The following PPFIA2 variants were observed in gnomAD, a reference collection of about 807,000 sequenced individuals.
PPFIA2 encodes liprin-alpha-2.
PPFIA2 carries 46 observed loss-of-function variants against 175.5 expected under a neutral mutation model. The ratio of observed to expected loss-of-function variants is 0.26; its 90% CI spans 0.21 to 0.34. PPFIA2 has a LOEUF of 0.34. Among genes scored for constraint, PPFIA2 ranks in the 10% least tolerant of loss-of-function variants. The probability of loss-of-function intolerance (pLI) is 1.00; values close to 1 mark genes in which losing one functional copy is unlikely to be tolerated. For synonymous variants in PPFIA2, 568 were observed against 511.4 expected, an observed-to-expected ratio of 1.11 and a Z score of -1.49; for missense variants, 1,179 against 1,506.1, an observed-to-expected ratio of 0.78 and a Z score of 3.60.
chr12:81,659,951 C>T (rs568935832), intron 4 of PPFIA2, among the ~76,000 whole-genome samples: 1 of 152,276 alleles, frequency 6.6e-6, no homozygotes, highest in South Asian at 2.1e-4. Flanking sequence ...TTGGAGGGAA[C>T]TCTGGCAAAT....
intron 28 of PPFIA2, among the ~76,000 whole-genome samples, chr12:81,270,276 G>A (rs61934705): frequency 0.18 from 27,032 of 151,956 alleles, 2,591 homozygotes; most frequent in Non-Finnish European, 0.22. Flanking sequence ...CCAATGCTTT[G>A]TATTTCTCAT....
intron 11 of PPFIA2, 188 bp from the exon 12 acceptor site, chr12:81,369,382 C>T: frequency 1.4e-6 from 2 of 1,438,000 alleles, no homozygotes; most frequent in South Asian, 2.7e-5. Context: ...AGGCCTGTTA[C>T]ATCCAAGCAT....
chr12:81,392,218 G>C (rs550541937), intron 8 of PPFIA2, among the ~76,000 whole-genome samples: 5 of 151,966 alleles, frequency 3.3e-5, no homozygotes, highest in Non-Finnish European at 7.4e-5. Context: ...AAAAAGCATA[G>C]ACTCAAGGAT....
At chr12:81,450,423 C>A (rs1382725147) in intron 5 of PPFIA2, among the ~76,000 whole-genome samples, 1 of 152,166 alleles carries the variant, frequency 6.6e-6, no homozygotes, top group Non-Finnish European at 1.5e-5. Flanking sequence ...TGTCTGTTGG[C>A]TGCACAAATG....
At chr12:81,591,512 C>T (rs979047303) in intron 4 of PPFIA2, among the ~76,000 whole-genome samples, 8 of 152,152 alleles carry the variant, frequency 5.3e-5, no homozygotes, top group Admixed American at 2.0e-4. Context: ...CCCCTCTCAT[C>T]GCAGGCCCAG....
In PPFIA2 at chr12:81,467,003, G is replaced by A. The variant is rs78624450; in HGVS notation, c.304-9137C>T. On this transcript the variant is annotated intron_variant, in intron 4 of 32. Transcript: ENST00000549396. ...TTTAATGGTAACTGAAACGTAACTC[G>A]AGATTCACCTACCCAAGGCTCATTT... 7.6e-3 allele frequency among the ~76,000 whole-genome samples: 1,134 copies of A among 149,818 alleles called. 14 individuals carry two copies. Among genetic ancestry groups the A allele is most frequent in the African/African-American group, 0.025 (1,037 of 40,872 alleles).
chr12:81,366,031 TTCCC>T (rs200274619), intron 14 of PPFIA2, among the ~76,000 whole-genome samples: 1,258 of 97,518 alleles, frequency 0.013, 14 homozygotes, highest in Admixed American at 0.029. Context: ...CCTTCCTTCC[TTCCC>T]TCCCTCCCTC....
chr12:81,557,804 A>G (rs2069164058), intron 4 of PPFIA2, among the ~76,000 whole-genome samples: 2 of 152,076 alleles, frequency 1.3e-5, no homozygotes, highest in Admixed American at 1.3e-4. Flanking sequence ...TTAGCTCACT[A>G]AATGTGTAAT....
At chr12:81,406,179 T>TA (rs1170011983) in intron 7 of PPFIA2, among the ~76,000 whole-genome samples, 3 of 152,328 alleles carry the variant, frequency 2.0e-5, no homozygotes, top group South Asian at 2.1e-4. Flanking sequence ...GAAATGTATC[T>TA]AAAATCAATG....
intron 30 of PPFIA2, among the ~76,000 whole-genome samples, chr12:81,266,104 T>TA (rs1375082401): frequency 6.6e-6 from 1 of 152,202 alleles, no homozygotes; most frequent in African/African-American, 2.4e-5. Flanking sequence ...CTGTCCTGCC[T>TA]ATTTGAATAT....
intron 4 of PPFIA2, among the ~76,000 whole-genome samples, chr12:81,513,649 G>T (rs1165934688): frequency 6.6e-6 from 1 of 151,876 alleles, no homozygotes; most frequent in Non-Finnish European, 1.5e-5. Flanking sequence ...ACCATACTAA[G>T]AAATTAATAT....
intron 4 of PPFIA2, among the ~76,000 whole-genome samples, chr12:81,674,044 G>T (rs549993986): frequency 6.6e-6 from 1 of 152,028 alleles, no homozygotes; most frequent in Non-Finnish European, 1.5e-5. Flanking sequence ...TTGCAAATTT[G>T]ACACAACCTT....
chr12:81,527,702 G>A (rs112026923), intron 4 of PPFIA2, among the ~76,000 whole-genome samples: 8 of 152,038 alleles, frequency 5.3e-5, no homozygotes, highest in African/African-American at 1.4e-4. Flanking sequence ...ACCCAAATTC[G>A]TATGTTGGAA....
At chr12:81,502,350 G>A (rs1284367158) in intron 4 of PPFIA2, among the ~76,000 whole-genome samples, 1 of 152,166 alleles carries the variant, frequency 6.6e-6, no homozygotes, top group African/African-American at 2.4e-5. Context: ...AGAAACATTT[G>A]TGCAATGTAG....
At chr12:81,377,130 A>C (rs187972239) in intron 9 of PPFIA2, among the ~76,000 whole-genome samples, 45 of 152,316 alleles carry the variant, frequency 3.0e-4, no homozygotes, top group Non-Finnish European at 5.3e-4. Flanking sequence ...TAAGAATTTC[A>C]GGGAAATGGG....
At chr12:81,587,342 T>A (rs2153437037) in intron 4 of PPFIA2, among the ~76,000 whole-genome samples, 1 of 152,066 alleles carries the variant, frequency 6.6e-6, no homozygotes, top group East Asian at 1.9e-4. Context: ...TCCTTCACAC[T>A]TTCTCTCTCT....
At chr12:81,300,388 C>T (rs1179039820) in intron 22 of PPFIA2, among the ~76,000 whole-genome samples, 1 of 152,080 alleles carries the variant, frequency 6.6e-6, no homozygotes, top group Non-Finnish European at 1.5e-5. Flanking sequence ...CATTTATGAA[C>T]TCCCAAATGG....
In PPFIA2 at chr12:81,367,158, G is replaced by T; in HGVS notation, c.1495C>A (p.Gln499Lys). 7.1e-7 allele frequency: 1 copy of T among 1,401,722 alleles called. No homozygotes were observed. The allele number at this position is 1,401,722 out of a possible 1,614,324, so 86.8% of individuals were successfully genotyped here. ...TTCTTTCTGAAAGTTTCTGATTCTT[G>T]AATTAAAACATTCTAAAGAAAAGAA... The part of the protein sequence containing the change: ...AALEEKNVLI[Q>K]ESETFRKNLE... Residue 499 changes from glutamine to lysine, a missense_variant, in exon 14 of 33, where the codon CAA becomes AAA. Gln to Lys is a moderately conservative substitution (Grantham distance 53, BLOSUM62 1). Coordinates refer to ENST00000549396, the MANE Select transcript of PPFIA2 (RefSeq NM_003625.5).
Position 81,368,836 on chromosome 12 carries a change from C to T in PPFIA2, c.1371G>A (p.Met457Ile), listed in dbSNP as rs2034294233. The T allele has an allele frequency of 6.2e-7, 1 of 1,609,980 alleles. No individual in the cohort carries two copies. Among genetic ancestry groups the T allele is most frequent in the African/African-American group, 1.3e-5 (1 of 74,656 alleles). Residue 457 changes from methionine (M) to isoleucine (I), a missense_variant, in exon 13 of 33, where the codon ATG (methionine) becomes ATA (isoleucine). Around this residue, in one of 10 missense-constraint regions of PPFIA2, gnomAD observed 66 missense variants for 129.4 expected, o/e 0.51. Coordinates refer to ENST00000549396, the MANE Select transcript of PPFIA2 (RefSeq NM_003625.5). ...ATAATCTCTTGTTATGCTCCTCATTCATTTTCTCTCTTTGCCTAGCCTTAC... is the reference window on the plus strand; with the variant it reads ...ATAATCTCTTGTTATGCTCCTCATTTATTTTCTCTCTTTGCCTAGCCTTAC... ...ELQRARQREK[M>I]NEEHNKRLSD...
Sources: gnomAD v4.1 joint callset for allele counts (sites outside exome capture counted in the v4.1 genomes callset) on GRCh38, gnomAD v4.1.1 for gene constraint, gnomAD v4.1.1 regional missense constraint, MANE v1.5 for transcripts, NCBI Gene and HGNC (gene_info 2026-07-23, HGNC 2026-07-21) for gene names.